Variants in FSTL5 observed in about 807,000 individuals in gnomAD.
The protein encoded by FSTL5 is follistatin like 5.
A neutral mutation model predicts 89.1 loss-of-function variants in FSTL5; 62 were observed. The observed-to-expected ratio is 0.70, with a 90% CI of 0.57 to 0.86. The LOEUF (loss-of-function observed/expected upper bound fraction) is 0.86, where lower values mean the gene tolerates loss of function less well. Ranked by LOEUF, FSTL5 falls within the 40% of genes least tolerant of loss-of-function variation. The pLI, the probability that FSTL5 is intolerant of heterozygous loss-of-function variation, is 0.00. For synonymous variants in FSTL5, 383 were observed against 346.2 expected, an observed-to-expected ratio of 1.11 and a Z score of -1.18; for missense variants, 1,057 against 1,001.6, an observed-to-expected ratio of 1.06 and a Z score of -0.75.
chr4:161,880,416 AC>A (rs1732590535), intron 4 of FSTL5, among the ~76,000 whole-genome samples: 1 of 152,128 alleles, frequency 6.6e-6, no homozygotes, highest in Non-Finnish European at 1.5e-5. Context: ...TCATAAAAAA[AC>A]AAACTCATAT....
At chr4:161,394,101 T>C (rs965824410) in intron 15 of FSTL5, among the ~76,000 whole-genome samples, 2 of 152,140 alleles carry the variant, frequency 1.3e-5, no homozygotes, top group Middle Eastern at 3.2e-3. Context: ...TAATTTCTAA[T>C]AGGGTTCATT....
chr4:161,604,999 A>G (rs1734386677), intron 7 of FSTL5, among the ~76,000 whole-genome samples: 1 of 152,230 alleles, frequency 6.6e-6, no homozygotes, highest in African/African-American at 2.4e-5. Context: ...AATGCATTAT[A>G]ACGAGTACCT....
rs1732934500 is a variant in FSTL5, at chr4:162,145,419, C to CT, written c.-17+18195dup. On this transcript the variant is annotated intron_variant, in intron 1 of 15. Transcript: ENST00000306100. ...ATACAATATTTATAGTCATAATTGT[C>CT]TATTTTATACAACAAGCAATTCCCA... is the stretch of plus-strand genomic sequence containing the variant. 4.6e-5 allele frequency among the ~76,000 whole-genome samples: 7 copies of CT among 152,090 alleles called. 1 individual carries two copies. The South Asian group carries it at 1.5e-3, about 32-fold the overall frequency.
chr4:161,498,857 AAC>A (rs1054677160), intron 12 of FSTL5, among the ~76,000 whole-genome samples: 31 of 152,128 alleles, frequency 2.0e-4, no homozygotes, highest in Non-Finnish European at 4.1e-4. Flanking sequence ...TATGCACATA[AAC>A]ACAACTTATT....
At chr4:161,777,277 C>T (rs1019743211) in intron 4 of FSTL5, among the ~76,000 whole-genome samples, 6 of 142,202 alleles carry the variant, frequency 4.2e-5, no homozygotes, top group Middle Eastern at 3.8e-3. Flanking sequence ...ACCATATTTT[C>T]CTTATCCATT....
Position 161,481,070 on chromosome 4 carries a change from T to C in FSTL5, c.1558A>G (p.Thr520Ala). 6.2e-7 allele frequency: 1 copy of C among 1,613,124 alleles called. No individual in the cohort carries two copies. Among genetic ancestry groups the C allele is most frequent in the Non-Finnish European group, 8.5e-7 (1 of 1,179,374 alleles). Residue 520 changes from threonine to alanine, a missense_variant, in exon 13 of 16, where the codon ACT becomes GCT. Physicochemically the swap from Thr to Ala is moderately conservative, Grantham distance 58. This residue lies in a region of FSTL5 where 980 missense variants were observed against 903.2 expected (regional missense o/e 1.08). Coordinates refer to ENST00000306100, the MANE Select transcript of FSTL5 (RefSeq NM_020116.5). ...TCAACAATAAGGACTCTGTCCAAAG[T>C]TGGCTGTGCAACATAAATGAACTTG... Reference protein sequence around the residue: ...KDKFIYVAQPTLDRVLIVDVQ... With the variant: ...KDKFIYVAQPALDRVLIVDVQ...
intron 8 of FSTL5, among the ~76,000 whole-genome samples, chr4:161,565,725 A>C (rs1375933075): frequency 2.8e-5 from 4 of 144,702 alleles, no homozygotes; most frequent in Non-Finnish European, 6.0e-5. Flanking sequence ...CCTTCTTGTG[A>C]ACGTAGTATA....
At chr4:161,827,682 G>A (rs987374220) in intron 4 of FSTL5, among the ~76,000 whole-genome samples, 13 of 152,164 alleles carry the variant, frequency 8.5e-5, no homozygotes, top group African/African-American at 2.9e-4. Context: ...TATGTTCCCA[G>A]GGGAATTTTG....
chr4:161,561,486 T>A (rs4524338), intron 8 of FSTL5, among the ~76,000 whole-genome samples: 151,462 of 152,040 alleles, frequency 1, 75,446 homozygotes, highest in Middle Eastern at 1. Flanking sequence ...TAATTGGCTC[T>A]GGGTTATTTT....
intron 11 of FSTL5, among the ~76,000 whole-genome samples, chr4:161,500,878 A>C (rs1730269947): frequency 6.6e-6 from 1 of 152,072 alleles, no homozygotes; most frequent in African/African-American, 2.4e-5. Context: ...AAACCTGTGT[A>C]GGTTAATCAA....
chr4:161,755,699 G>C (rs1740544945), intron 6 of FSTL5, among the ~76,000 whole-genome samples: 3 of 152,062 alleles, frequency 2.0e-5, no homozygotes, highest in Admixed American at 2.0e-4. Flanking sequence ...CTGTCTGTCT[G>C]AGATTATATA....
At chr4:161,490,940 T>A (rs1729850331) in intron 12 of FSTL5, among the ~76,000 whole-genome samples, 1 of 147,302 alleles carries the variant, frequency 6.8e-6, no homozygotes, top group African/African-American at 2.5e-5. Context: ...TTTAAAAAAA[T>A]CTTTTTAAAT....
chr4:162,140,836 A>G (rs1400696006), intron 1 of FSTL5, among the ~76,000 whole-genome samples: 1 of 152,132 alleles, frequency 6.6e-6, no homozygotes. Flanking sequence ...TGATATGAGG[A>G]GTAGAAGAAA....
chr4:161,578,816 A>T (rs1733328744), intron 8 of FSTL5, among the ~76,000 whole-genome samples: 1 of 152,088 alleles, frequency 6.6e-6, no homozygotes, highest in Non-Finnish European at 1.5e-5. Flanking sequence ...ACAATAGAAC[A>T]TCTATAAATT....
chr4:161,526,878 C>T (rs144994769), intron 10 of FSTL5, among the ~76,000 whole-genome samples: 1,733 of 152,208 alleles, frequency 0.011, 29 homozygotes, highest in African/African-American at 0.039. Flanking sequence ...AGTCAGGTAT[C>T]GTGATGGCTC....
chr4:161,804,582 A>C (rs2126832712), intron 4 of FSTL5, among the ~76,000 whole-genome samples: 1 of 152,026 alleles, frequency 6.6e-6, no homozygotes, highest in East Asian at 1.9e-4. Context: ...TTTATTATAT[A>C]ATTATTAAAA....
At chr4:161,399,063 G>T (rs1037649232) in intron 15 of FSTL5, among the ~76,000 whole-genome samples, 17 of 152,136 alleles carry the variant, frequency 1.1e-4, no homozygotes, top group Admixed American at 9.8e-4. Context: ...CTGTATGAAT[G>T]GTATAATTAA....
intron 3 of FSTL5, among the ~76,000 whole-genome samples, chr4:161,951,135 G>A (rs1433890661): frequency 6.6e-6 from 1 of 151,938 alleles, no homozygotes; most frequent in East Asian, 1.9e-4. Flanking sequence ...TCTCTTGCCT[G>A]CTGCCATATA....
chr4:161,720,598 A>G (rs751762919), intron 6 of FSTL5, among the ~76,000 whole-genome samples: 2 of 152,236 alleles, frequency 1.3e-5, no homozygotes, highest in Non-Finnish European at 2.9e-5. Context: ...TAGCCAAGAC[A>G]TGGAGACAAC....
Sources: allele counts gnomAD v4.1 joint callset (sites outside exome capture counted in the v4.1 genomes callset), GRCh38; gene constraint gnomAD v4.1.1; regional missense constraint gnomAD v4.1.1; transcripts MANE v1.5; gene names NCBI Gene and HGNC (gene_info 2026-07-23, HGNC 2026-07-21).